Variants in MIOS observed in about 807,000 individuals in gnomAD.
The protein encoded by MIOS is GATOR2 complex protein MIOS.
In MIOS, 52 loss-of-function variants were observed where a neutral mutation model predicts 96.9. The ratio of observed to expected loss-of-function variants is 0.54; its 90% CI spans 0.43 to 0.68. The LOEUF (loss-of-function observed/expected upper bound fraction) is 0.68, where lower values mean the gene tolerates loss of function less well. Ranked by LOEUF, MIOS falls within the 30% of genes least tolerant of loss-of-function variation. MIOS has a pLI of 0.00. For missense variants in MIOS, 1,005 were observed against 1,052.8 expected (o/e 0.95, Z 0.63); for synonymous variants, 397 against 359.5 (o/e 1.10, Z -1.18).
intron 5 of MIOS, among the ~76,000 whole-genome samples, chr7:7,579,278 A>G (rs1160808950): frequency 6.6e-6 from 1 of 152,210 alleles, no homozygotes; most frequent in African/African-American, 2.4e-5. Flanking sequence ...GTTATCAATA[A>G]AAAGATCTCT....
intron 4 of MIOS, 50 bp from the exon 5 acceptor site, chr7:7,574,048 T>C (rs1185172616): frequency 1.4e-6 from 2 of 1,395,476 alleles, no homozygotes. Context: ...TAAATTTAGC[T>C]TTGAAATATA....
chr7:7,581,915 C>T (rs1275417856), intron 5 of MIOS: 2 of 149,116 alleles, frequency 1.3e-5, no homozygotes. Context: ...ATTATATCTG[C>T]AAAATGCTTT....
intron 11 of MIOS, among the ~76,000 whole-genome samples, chr7:7,603,517 A>G (rs1054814712): frequency 2.6e-5 from 4 of 152,252 alleles, no homozygotes; most frequent in African/African-American, 9.6e-5. Flanking sequence ...ATGAGATACC[A>G]TCTCACACCA....
intron 11 of MIOS, among the ~76,000 whole-genome samples, chr7:7,603,962 A>G (rs1333694832): frequency 6.6e-6 from 1 of 151,936 alleles, no homozygotes; most frequent in Non-Finnish European, 1.5e-5. Flanking sequence ...TATCGCAAGG[A>G]CAAAAATCCA....
chr7:7,582,812 A>T (rs1023492256), intron 5 of MIOS: 31 of 272,628 alleles, frequency 1.1e-4, no homozygotes, highest in Non-Finnish European at 1.8e-4. Context: ...TAGAGGAAAC[A>T]ATGGGTGGTG....
chr7:7,584,086 T>G (rs1449526236), intron 6 of MIOS, among the ~76,000 whole-genome samples: 1 of 152,134 alleles, frequency 6.6e-6, no homozygotes, highest in East Asian at 1.9e-4. Context: ...TTTTTGAATA[T>G]TCAGAATACT....
chr7:7,594,262 GCTAA>G (rs527505686), intron 9 of MIOS, among the ~76,000 whole-genome samples: 165 of 151,948 alleles, frequency 1.1e-3, no homozygotes, highest in Non-Finnish European at 1.7e-3. Flanking sequence ...GAAGGACCAA[GCTAA>G]CTGTTAGTTC....
rs548231805 is a variant in MIOS, at chr7:7,605,811, A to G, written c.2402-131A>G. 1.7e-4 allele frequency: 152 copies of G among 877,916 alleles called. 1 individual carries two copies. The South Asian group carries it at 2.8e-3, about 16-fold the overall frequency. The allele number at this position is 877,916 out of a possible 1,614,324, so 54.4% of individuals were successfully genotyped here. A position where few individuals can be genotyped will look rare whatever the true frequency, so the allele number is the denominator to read the frequency against. On this transcript the variant is annotated intron_variant, in intron 11 of 12. Coordinates refer to ENST00000340080, the MANE Select transcript of MIOS (RefSeq NM_019005.4). ...TTTCGCTTCATCTAAACTAGAACCTACCATCAAAATTGCTATTTCAATATG... is the reference window on the plus strand; with the variant it reads ...TTTCGCTTCATCTAAACTAGAACCTGCCATCAAAATTGCTATTTCAATATG...
At chr7:7,591,916 C>T (rs919628440) in intron 9 of MIOS, among the ~76,000 whole-genome samples, 37 of 151,762 alleles carry the variant, frequency 2.4e-4, no homozygotes, top group African/African-American at 8.2e-4. Context: ...TCATAGTGTT[C>T]GTAGGTGCCT....
rs921819480 is a variant in MIOS, at chr7:7,607,675, T to C, written c.*583T>C. 2 of 152,162 alleles carry C rather than the reference T, an allele frequency of 1.3e-5. No individual in the cohort carries two copies. Among genetic ancestry groups the C allele is most frequent in the African/African-American group, 4.8e-5 (2 of 41,446 alleles). 9.4% of individuals were successfully genotyped at this position (152,162 alleles called of 1,614,324 possible). A position where few individuals can be genotyped will look rare whatever the true frequency, so the allele number is the denominator to read the frequency against. On this transcript the variant is annotated 3_prime_UTR_variant, in exon 13 of 13. Coordinates refer to ENST00000340080, the MANE Select transcript of MIOS (RefSeq NM_019005.4). The stretch of plus-strand genomic sequence containing the variant: ...ATATTTATGTGTGTATGTATAAATA[T>C]GTATTTTTTAAAGGAGCCTTTTCCC...
At chr7:7,578,010 G>C (rs763788015) in intron 5 of MIOS, among the ~76,000 whole-genome samples, 78 of 152,166 alleles carry the variant, frequency 5.1e-4, no homozygotes, top group Admixed American at 1.3e-3. Flanking sequence ...TAATAGTGGT[G>C]AAGACACTGC....
chr7:7,589,436 A>G lies in MIOS; in HGVS notation c.1916A>G (p.Glu639Gly), dbSNP rs765238638. ...LNRYIEKLTN[E>G]MKEAGNLEGI... ...AGATACATCGAAAAGTTGACCAATG[A>G]AATGAAAGAGGCTGGAAATTTGGAA... The change falls in exon 9 of 13, where the codon GAA becomes GGA. Residue 639 changes from glutamate (E) to glycine (G), a missense_variant. Around this residue, in one of 3 missense-constraint regions of MIOS, gnomAD observed 865 missense variants for 887.9 expected, o/e 0.97. Transcript: ENST00000340080. 6.2e-7 allele frequency: 1 copy of G among 1,613,628 alleles called. No homozygotes were observed. Among genetic ancestry groups the G allele is most frequent in the Admixed American group, 1.7e-5 (1 of 60,016 alleles).
chr7:7,604,791 G>T (rs1052312735), intron 11 of MIOS, among the ~76,000 whole-genome samples: 1 of 152,112 alleles, frequency 6.6e-6, no homozygotes, highest in East Asian at 1.9e-4. Context: ...GCCTTGTTCT[G>T]ATTCAGTCTG....
chr7:7,568,323 T>A (rs1314449205), intron 3 of MIOS, among the ~76,000 whole-genome samples, 200 bp downstream of exon 3: 2 of 152,232 alleles, frequency 1.3e-5, no homozygotes, highest in African/African-American at 4.8e-5. Context: ...GGGATAGATT[T>A]TATCTCGGTT....
intron 5 of MIOS, among the ~76,000 whole-genome samples, chr7:7,579,653 T>TA (rs1355254586): frequency 1.3e-5 from 2 of 152,118 alleles, no homozygotes; most frequent in Middle Eastern, 3.2e-3. Context: ...AGCTAAAAAA[T>TA]AAAAAAGTTC....
In MIOS at chr7:7,607,031, G is replaced by T; in HGVS notation, c.2567G>T (p.Cys856Phe). Residue 856 changes from cysteine to phenylalanine, a missense_variant, in exon 13 of 13, where the codon TGT (cysteine) becomes TTT (phenylalanine). Physicochemically the swap from Cys to Phe is radical, Grantham distance 205. Coordinates refer to ENST00000340080, the MANE Select transcript of MIOS (RefSeq NM_019005.4). ...GAGTGCCCTGTGTCGGCATGCACGTGTAAATGTATGCAGTTGGATACAACA... is the reference window on the plus strand; with the variant it reads ...GAGTGCCCTGTGTCGGCATGCACGTTTAAATGTATGCAGTTGGATACAACA... ...HAECPVSACTCKCMQLDTTGN... is the reference protein window; with the variant it reads ...HAECPVSACTFKCMQLDTTGN... 1 of 1,613,160 alleles carries T rather than the reference G, an allele frequency of 6.2e-7. No individual in the cohort carries two copies. Among genetic ancestry groups the T allele is most frequent in the Non-Finnish European group, 8.5e-7 (1 of 1,179,468 alleles).
At chr7:7,600,826 T>G (rs893679095) in intron 11 of MIOS, among the ~76,000 whole-genome samples, 1 of 152,248 alleles carries the variant, frequency 6.6e-6, no homozygotes, top group African/African-American at 2.4e-5. Context: ...AGTAAAGCAC[T>G]CCTCAGCAAA....
intron 12 of MIOS, 70 bp from the exon 13 acceptor site, chr7:7,606,926 A>AATAC: frequency 2.5e-6 from 3 of 1,187,544 alleles, no homozygotes; most frequent in African/African-American, 1.6e-5. Flanking sequence ...TCTCTTAAAA[A>AATAC]ATAAATAAAT....
In MIOS at chr7:7,607,075, G is replaced by A; in HGVS notation, c.2611G>A (p.Glu871Lys). 1 of 1,612,080 alleles carries A rather than the reference G, an allele frequency of 6.2e-7. No homozygotes were observed. Among genetic ancestry groups the A allele is most frequent in the Non-Finnish European group, 8.5e-7 (1 of 1,179,078 alleles). ...TACAACAGGGAATCTGGTACCTGCA[G>A]AGACTGTCCAGCCATAAAATGTTAC... ...LDTTGNLVPA[E>K]TVQP Residue 871 changes from glutamate (E) to lysine (K), a missense_variant, in exon 13 of 13, where the codon GAG becomes AAG. Glu to Lys is a moderately conservative substitution (Grantham distance 56). This residue lies in a region of MIOS where 865 missense variants were observed against 887.9 expected (regional missense o/e 0.97). Transcript: ENST00000340080.
Sources: allele counts gnomAD v4.1 joint callset (sites outside exome capture counted in the v4.1 genomes callset), GRCh38; gene constraint gnomAD v4.1.1; regional missense constraint gnomAD v4.1.1; transcripts MANE v1.5; gene names NCBI Gene and HGNC (gene_info 2026-07-23, HGNC 2026-07-21).